HECW1: variants seen among roughly 807,000 people sequenced by gnomAD.
HECW1 encodes E3 ubiquitin-protein ligase HECW1.
In HECW1, 61 loss-of-function variants were observed where a neutral mutation model predicts 182.3. The observed-to-expected ratio is 0.33, with a 90% CI of 0.27 to 0.41. The LOEUF (loss-of-function observed/expected upper bound fraction) is 0.41, where lower values mean the gene tolerates loss of function less well. Ranked by LOEUF, HECW1 falls within the 10% of genes least tolerant of loss-of-function variation. The probability of loss-of-function intolerance (pLI) is 1.00; values close to 1 mark genes in which losing one functional copy is unlikely to be tolerated. For synonymous variants in HECW1, 859 were observed against 832.6 expected, an observed-to-expected ratio of 1.03 and a Z score of -0.55; for missense variants, 1,739 against 2,108.9, an observed-to-expected ratio of 0.82 and a Z score of 3.44.
At chr7:43,434,457 C>T (rs2076648347) in intron 8 of HECW1, among the ~76,000 whole-genome samples, 2 of 152,180 alleles carry the variant, frequency 1.3e-5, no homozygotes, top group South Asian at 4.1e-4. Context: ...ATGTGCAGAG[C>T]TAGGAATAAA....
chr7:43,189,975 C>T (rs188639524), intron 2 of HECW1, among the ~76,000 whole-genome samples: 378 of 152,256 alleles, frequency 2.5e-3, no homozygotes, highest in African/African-American at 8.6e-3. Flanking sequence ...TTCAATATTT[C>T]AGGAGCCAAT....
At chr7:43,495,374 G>T (rs925656647) in intron 19 of HECW1, among the ~76,000 whole-genome samples, 1 of 152,038 alleles carries the variant, frequency 6.6e-6, no homozygotes, top group African/African-American at 2.4e-5. Flanking sequence ...TTGGTTTTCT[G>T]TTCTTATGTT....
chr7:43,429,127 T>C (rs2076450667), intron 8 of HECW1, among the ~76,000 whole-genome samples: 2 of 150,294 alleles, frequency 1.3e-5, no homozygotes, highest in African/African-American at 4.9e-5. Flanking sequence ...GATATTGGCC[T>C]AATTTGCCAT....
chr7:43,434,026 A>G (rs1473903605), intron 8 of HECW1, among the ~76,000 whole-genome samples: 1 of 152,058 alleles, frequency 6.6e-6, no homozygotes, highest in Non-Finnish European at 1.5e-5. Context: ...CTTAGGCAAC[A>G]ATACATCCTT....
intron 2 of HECW1, chr7:43,162,902 A>G (rs1193458362): frequency 2.0e-5 from 3 of 152,266 alleles, no homozygotes; most frequent in African/African-American, 7.2e-5. Flanking sequence ...TAAAGAGGCA[A>G]CTATTGTTAC....
chr7:43,265,500 G>C (rs1801677890), intron 3 of HECW1, among the ~76,000 whole-genome samples: 1 of 152,180 alleles, frequency 6.6e-6, no homozygotes, highest in African/African-American at 2.4e-5. Flanking sequence ...GTATAAAATT[G>C]TTCATACTTT....
intron 25 of HECW1, 118 bp from the exon 26 acceptor site, chr7:43,541,751 A>G: frequency 1.1e-6 from 1 of 924,228 alleles, no homozygotes; most frequent in Non-Finnish European, 1.5e-6. Context: ...ATTCAAAAGT[A>G]TCCAATTGTT....
Position 43,374,708 on chromosome 7 carries a change from A to C in HECW1, c.555+13728A>C, listed in dbSNP as rs753583621. Among the ~76,000 whole-genome samples the C allele has an allele frequency of 1.1e-4, 7 of 64,282 alleles. 1 individual carries two copies. Among genetic ancestry groups the C allele is most frequent in the African/African-American group, 3.2e-4 (2 of 6,276 alleles). 42.2% of individuals were successfully genotyped at this position (64,282 alleles called of 152,430 possible). On this transcript the variant is annotated intron_variant, in intron 6 of 29. Coordinates refer to ENST00000395891, the MANE Select transcript of HECW1 (RefSeq NM_015052.5). ...AGAATGGCTTGAACCCGGGAGGCGG[A>C]GCTTGCAGTGAGCCGAGATCCCGCC...
intron 8 of HECW1, among the ~76,000 whole-genome samples, chr7:43,422,144 T>C (rs767281314): frequency 6.6e-6 from 1 of 151,978 alleles, no homozygotes; most frequent in Non-Finnish European, 1.5e-5. Flanking sequence ...GTAATTGCGG[T>C]TTTGCCATTA....
intron 5 of HECW1, among the ~76,000 whole-genome samples, chr7:43,327,992 C>T (rs147967880): frequency 1.7e-5 from 2 of 115,112 alleles, no homozygotes; most frequent in African/African-American, 4.1e-5. Context: ...TTATTATTAT[C>T]ATTATTATTT....
At chr7:43,206,625 A>G (rs1795505509) in intron 2 of HECW1, among the ~76,000 whole-genome samples, 1 of 152,176 alleles carries the variant, frequency 6.6e-6, no homozygotes, top group Admixed American at 6.5e-5. Flanking sequence ...AAGCCTTACA[A>G]TGCCCAGCTT....
Position 43,346,092 on chromosome 7 carries a change from C to G in HECW1, c.461-14794C>G, listed in dbSNP as rs547208661. 1.2e-4 allele frequency among the ~76,000 whole-genome samples: 19 copies of G among 152,280 alleles called. No homozygotes were observed. The East Asian group carries it at 3.7e-3, about 29-fold the overall frequency. On this transcript the variant is annotated intron_variant, in intron 5 of 29. Coordinates refer to ENST00000395891, the MANE Select transcript of HECW1 (RefSeq NM_015052.5). ...CACACTGTTTTCCATAGTGGCTGTACTAGTTTACATTCCCACCAGCAGTGT... is the reference window on the plus strand; with the variant it reads ...CACACTGTTTTCCATAGTGGCTGTAGTAGTTTACATTCCCACCAGCAGTGT...
At chr7:43,192,127 T>A (rs1385941309) in intron 2 of HECW1, among the ~76,000 whole-genome samples, 1 of 152,084 alleles carries the variant, frequency 6.6e-6, no homozygotes, top group East Asian at 1.9e-4. Flanking sequence ...ACCCGGCTAA[T>A]TTTTGTATTT....
At chr7:43,362,698 A>G (rs1816118478) in intron 6 of HECW1, among the ~76,000 whole-genome samples, 1 of 152,262 alleles carries the variant, frequency 6.6e-6, no homozygotes, top group Non-Finnish European at 1.5e-5. Context: ...GAAAAGAAAA[A>G]GTGAACCAGA....
At chr7:43,425,287 GTAGA>G (rs200604736) in intron 8 of HECW1, among the ~76,000 whole-genome samples, 13 of 136,594 alleles carry the variant, frequency 9.5e-5, no homozygotes, top group East Asian at 6.5e-4. Context: ...GGATAGCTAG[GTAGA>G]TAGATAGATA....
At chr7:43,445,642 A>C (rs2077031395) in intron 11 of HECW1, 72 bp downstream of exon 11, 18 of 1,457,356 alleles carry the variant, frequency 1.2e-5, no homozygotes, top group Non-Finnish European at 1.6e-5. Context: ...ACAGTTTAAA[A>C]ACAAGAAGGG....
At chr7:43,173,961 C>T (rs907311023) in intron 2 of HECW1, among the ~76,000 whole-genome samples, 3 of 152,046 alleles carry the variant, frequency 2.0e-5, no homozygotes, top group African/African-American at 4.8e-5. Flanking sequence ...CGTCAGCTTC[C>T]CTAGTAGCTG....
intron 2 of HECW1, among the ~76,000 whole-genome samples, chr7:43,193,571 G>A (rs762449796): frequency 4.2e-4 from 64 of 151,910 alleles, no homozygotes; most frequent in African/African-American, 1.4e-3. Context: ...TAGTAGAGAC[G>A]GGGTTTCACC....
In HECW1 at chr7:43,288,561, C is replaced by T. The variant is rs184917559; in HGVS notation, c.28-23202C>T. Among the ~76,000 whole-genome samples, 34 of 152,312 alleles carry T rather than the reference C, an allele frequency of 2.2e-4. No homozygotes were observed. In the East Asian group the frequency reaches 6.6e-3, roughly 29 times the overall value. The stretch of plus-strand genomic sequence containing the variant: ...CAGAGCTTTGAGGCCCCGCTCTCCA[C>T]TCACTCATCCTGTGGCCCCAGGCTA... On this transcript the variant is annotated intron_variant, in intron 3 of 29. Coordinates refer to ENST00000395891, the MANE Select transcript of HECW1 (RefSeq NM_015052.5).
Sources: allele counts gnomAD v4.1 joint callset (sites outside exome capture counted in the v4.1 genomes callset), GRCh38; gene constraint gnomAD v4.1.1; transcripts MANE v1.5; gene names NCBI Gene and HGNC (gene_info 2026-07-23, HGNC 2026-07-21).